Variants in GALNT18 observed in about 807,000 individuals in gnomAD.
GALNT18 encodes GalNAc-transferase 18.
GALNT18 carries 44 observed loss-of-function variants against 69.5 expected under a neutral mutation model. The ratio of observed to expected loss-of-function variants is 0.63; its 90% CI spans 0.50 to 0.81. GALNT18 has a LOEUF of 0.81. GALNT18 is among the 40% of genes least tolerant of loss of function. The pLI is 0.00. For missense variants in GALNT18, 715 were observed against 810.0 expected, an observed-to-expected ratio of 0.88 and a Z score of 1.42; for synonymous variants, 364 against 318.2, an observed-to-expected ratio of 1.14 and a Z score of -1.53.
intron 10 of GALNT18, among the ~76,000 whole-genome samples, chr11:11,286,932 T>G (rs1849206626): frequency 6.6e-6 from 1 of 152,146 alleles, no homozygotes; most frequent in African/African-American, 2.4e-5. Context: ...ATTATAGAAT[T>G]TCAGGGTCCA....
chr11:11,428,503 C>T (rs533518550), intron 3 of GALNT18, among the ~76,000 whole-genome samples: 1 of 152,360 alleles, frequency 6.6e-6, no homozygotes, highest in East Asian at 1.9e-4. Flanking sequence ...ATCACCACAG[C>T]CACATTGCCT....
intron 1 of GALNT18, among the ~76,000 whole-genome samples, chr11:11,510,873 G>A (rs1160203738): frequency 1.3e-5 from 2 of 152,196 alleles, no homozygotes; most frequent in Non-Finnish European, 2.9e-5. Context: ...CCCTATATAT[G>A]CATTCGCTGA....
chr11:11,394,288 G>T (rs1029883281), intron 3 of GALNT18, among the ~76,000 whole-genome samples: 1 of 152,216 alleles, frequency 6.6e-6, no homozygotes, highest in Non-Finnish European at 1.5e-5. Flanking sequence ...AATGCATAAA[G>T]GCTAGAAGCA....
chr11:11,311,710 G>T (rs1409535364), intron 9 of GALNT18, among the ~76,000 whole-genome samples: 2 of 152,136 alleles, frequency 1.3e-5, no homozygotes, highest in Non-Finnish European at 2.9e-5. Context: ...GTAGGGGAGG[G>T]CACATCTCTC....
chr11:11,290,935 G>A (rs923632840), intron 10 of GALNT18, among the ~76,000 whole-genome samples: 1 of 152,130 alleles, frequency 6.6e-6, no homozygotes, highest in Non-Finnish European at 1.5e-5. Flanking sequence ...TATGCACTCA[G>A]GACCCTGTTG....
At position 11,469,543 on chromosome 11, in the gene GALNT18, C is replaced by T. The variant is rs1462964839; in HGVS notation, c.236-20607G>A. Among the ~76,000 whole-genome samples the T allele has an allele frequency of 6.6e-6, 1 of 152,178 alleles. No homozygotes were observed. The highest frequency in any genetic ancestry group is 6.5e-5 in the Admixed American group (1 of 15,278). ...TCTCTAAACCTCACTGGATCTGCAT[C>T]TTGGTGATCAACCTCTGACTTGTTT... On this transcript the variant is annotated intron_variant, in intron 1 of 10. Coordinates refer to ENST00000227756, the MANE Select transcript of GALNT18 (RefSeq NM_198516.3). This position sits in a 1 kb window ranked among gnomAD's most constrained non-coding sequence, Gnocchi z 4.2.
chr11:11,577,842 T>C (rs1434079169), intron 1 of GALNT18, among the ~76,000 whole-genome samples: 1 of 152,164 alleles, frequency 6.6e-6, no homozygotes, highest in African/African-American at 2.4e-5. Context: ...GGGTGGTTAT[T>C]GGTGTGGCCA....
At chr11:11,273,172 CACAGGCAACCAAAGCAAAAATGG>C (rs1848862643) in intron 10 of GALNT18, among the ~76,000 whole-genome samples, 1 of 151,914 alleles carries the variant, frequency 6.6e-6, no homozygotes, top group Non-Finnish European at 1.5e-5. Flanking sequence ...ACCTCAAAAG[CACAGGCAACCAAAGCAAAAATGG>C]ACAAATAGGA....
At position 11,538,405 on chromosome 11, in the gene GALNT18, T is replaced by A. The variant is rs888834587; in HGVS notation, c.235+82954A>T. Reference sequence around the variant, plus strand: ...TTCATTTCAGCTGAGCCACCCGGGGTGTCTGTCCCCAGACGTGGACACCAG... The same window carrying A: ...TTCATTTCAGCTGAGCCACCCGGGGAGTCTGTCCCCAGACGTGGACACCAG... On this transcript the variant is annotated intron_variant, in intron 1 of 10. Coordinates refer to ENST00000227756, the MANE Select transcript of GALNT18 (RefSeq NM_198516.3). The surrounding 1 kb of genome is among the most constrained non-coding windows in gnomAD (Gnocchi z 5.2). Among the ~76,000 whole-genome samples the A allele has an allele frequency of 1.3e-5, 2 of 152,130 alleles. No homozygotes were observed. The highest frequency in any genetic ancestry group is 1.5e-5 in the Non-Finnish European group (1 of 68,022).
chr11:11,307,346 AATG>A (rs1196633684), intron 9 of GALNT18, among the ~76,000 whole-genome samples: 7 of 152,304 alleles, frequency 4.6e-5, no homozygotes, highest in Admixed American at 1.3e-4. Flanking sequence ...AAATTATTAT[AATG>A]ATAATATTTC....
chr11:11,374,727 A>G (rs1434554053), intron 5 of GALNT18, among the ~76,000 whole-genome samples: 1 of 152,262 alleles, frequency 6.6e-6, no homozygotes, highest in African/African-American at 2.4e-5. Context: ...CATTCCTGAA[A>G]GGATTAGAAA....
At chr11:11,326,017 A>G (rs1347222884) in intron 9 of GALNT18, among the ~76,000 whole-genome samples, 1 of 150,408 alleles carries the variant, frequency 6.6e-6, no homozygotes, top group African/African-American at 2.4e-5. Context: ...TTGCACACAT[A>G]GGCATATCTT....
chr11:11,448,720 G>C (rs1015268140), intron 2 of GALNT18, 24 bp downstream of exon 2: 11 of 1,592,702 alleles, frequency 6.9e-6, no homozygotes, highest in South Asian at 1.1e-5. Context: ...GGTCGACAAG[G>C]GCCCAGTCAC....
In GALNT18 at chr11:11,347,986, AG is replaced by A. The variant is rs1850332151; in HGVS notation, c.1093-6983del. 6.6e-6 allele frequency among the ~76,000 whole-genome samples: 1 copy of A among 152,140 alleles called. No individual in the cohort carries two copies. The highest frequency in any genetic ancestry group is 1.5e-5 in the Non-Finnish European group (1 of 68,020). On this transcript the variant is annotated intron_variant, in intron 6 of 10. Transcript: ENST00000227756. The surrounding 1 kb of genome is among the most constrained non-coding windows in gnomAD (Gnocchi z 4.0). Reference sequence around the variant, plus strand: ...ACGGTCAGAGATGTAGGCAAATAATAGGGGTGGGCAGGACACTGACACTCCA... The same window carrying A: ...ACGGTCAGAGATGTAGGCAAATAATAGGGTGGGCAGGACACTGACACTCCA...
chr11:11,304,663 C>T (rs539043810), intron 9 of GALNT18, among the ~76,000 whole-genome samples: 2 of 152,244 alleles, frequency 1.3e-5, no homozygotes, highest in Non-Finnish European at 2.9e-5. Context: ...TCTGCCCTCT[C>T]CTATGATGCT....
chr11:11,311,529 C>T (rs12796241), intron 9 of GALNT18, among the ~76,000 whole-genome samples: 5,824 of 152,234 alleles, frequency 0.038, 186 homozygotes, highest in Non-Finnish European at 0.057. Context: ...TTACATGTTT[C>T]CTGCCTGGGG....
chr11:11,545,726 A>G (rs1299763227), intron 1 of GALNT18, among the ~76,000 whole-genome samples: 1 of 152,226 alleles, frequency 6.6e-6, no homozygotes, highest in East Asian at 1.9e-4. Flanking sequence ...TCCTTCACTC[A>G]GGGGACAGCC....
In GALNT18 at chr11:11,290,176, T is replaced by C. The variant is rs182819401; in HGVS notation, c.1677+2853A>G. 5.0e-3 allele frequency among the ~76,000 whole-genome samples: 767 copies of C among 152,234 alleles called. 12 individuals carry two copies. The highest frequency in any genetic ancestry group is 0.018 in the African/African-American group (729 of 41,538). ...TCCAGCCCACACCACCAAAGCTGAG[T>C]CCCTAGGATTGGCCTTAGAGCCTGT... is the stretch of plus-strand genomic sequence containing the variant. On this transcript the variant is annotated intron_variant, in intron 10 of 10. Transcript: ENST00000227756.
At position 11,444,624 on chromosome 11, in the gene GALNT18, C is replaced by T. The variant is rs949737845; in HGVS notation, c.428+4120G>A. ...GGTCCTATCTCAGCCACATGACAAG[C>T]TGGGTCAGATTACATCTTTCAGTAC... On this transcript the variant is annotated intron_variant, in intron 2 of 10. Coordinates refer to ENST00000227756, the MANE Select transcript of GALNT18 (RefSeq NM_198516.3). The surrounding 1 kb of genome is among the most constrained non-coding windows in gnomAD (Gnocchi z 4.4). 6.6e-6 allele frequency among the ~76,000 whole-genome samples: 1 copy of T among 152,110 alleles called. No homozygotes were observed. Among genetic ancestry groups the T allele is most frequent in the African/African-American group, 2.4e-5 (1 of 41,398 alleles).
Sources: gnomAD v4.1 joint callset for allele counts (sites outside exome capture counted in the v4.1 genomes callset) on GRCh38, gnomAD v4.1.1 for gene constraint, Gnocchi (gnomAD v3.1) non-coding constraint, MANE v1.5 for transcripts, NCBI Gene and HGNC (gene_info 2026-07-23, HGNC 2026-07-21) for gene names.